The following TPMT variants were observed in gnomAD, a reference collection of about 807,000 sequenced individuals.
TPMT encodes the protein thiopurine S-methyltransferase, also known as S-adenosyl-L-methionine:thiopurine S-methyltransferase.
In TPMT, 18 loss-of-function variants were observed where a neutral mutation model predicts 34.2. The ratio of observed to expected loss-of-function variants is 0.53; its 90% CI spans 0.36 to 0.78. The LOEUF (loss-of-function observed/expected upper bound fraction) is 0.78, where lower values mean the gene tolerates loss of function less well. Ranked by LOEUF, TPMT falls within the 30% of genes least tolerant of loss-of-function variation. The probability of loss-of-function intolerance (pLI) is 0.00; values close to 1 mark genes in which losing one functional copy is unlikely to be tolerated. For missense variants in TPMT, 265 were observed against 288.1 expected, an observed-to-expected ratio of 0.92 and a Z score of 0.58; for synonymous variants, 69 against 92.4, an observed-to-expected ratio of 0.75 and a Z score of 1.45.
At chr6:18,144,055 G>A (rs559564427) in intron 3 of TPMT, among the ~76,000 whole-genome samples, 1 of 152,240 alleles carries the variant, frequency 6.6e-6, no homozygotes, top group Admixed American at 6.5e-5. Flanking sequence ...TAGAGGAAAT[G>A]CTTTTCAATT....
intron 6 of TPMT, 90 bp from the exon 7 acceptor site, chr6:18,133,979 C>T: frequency 1.0e-6 from 1 of 965,658 alleles, no homozygotes; most frequent in Non-Finnish European, 1.7e-6. Flanking sequence ...CCAGAAGTTA[C>T]TTTCGCTGAT....
In TPMT at chr6:18,149,542, C is replaced by T. The variant is rs943741624; in HGVS notation, c.-44-371G>A. Among the ~76,000 whole-genome samples, 1 of 151,990 alleles carries T rather than the reference C, an allele frequency of 6.6e-6. No individual in the cohort carries two copies. The highest frequency in any genetic ancestry group is 6.6e-5 in the Admixed American group (1 of 15,242). The stretch of plus-strand genomic sequence containing the variant: ...GGAGACCCTGGCTTACTGCAAGCTT[C>T]AACCTCCTGGGCTCAAGCGATCCTC... On this transcript the variant is annotated intron_variant, in intron 1 of 8. Coordinates refer to ENST00000309983, the MANE Select transcript of TPMT (RefSeq NM_000367.5). This position sits in a 1 kb window ranked among gnomAD's most constrained non-coding sequence, Gnocchi z 5.0.
rs755121040 is a variant in TPMT at position 18,138,531 on chromosome 6, G to A, written c.494+432C>T. 4.6e-5 allele frequency among the ~76,000 whole-genome samples: 7 copies of A among 152,132 alleles called. No homozygotes were observed. The highest frequency in any genetic ancestry group is 8.8e-5 in the Non-Finnish European group (6 of 68,028). On this transcript the variant is annotated intron_variant, in intron 6 of 8. Transcript: ENST00000309983. The surrounding 1 kb of genome is among the most constrained non-coding windows in gnomAD (Gnocchi z 4.1). The stretch of plus-strand genomic sequence containing the variant: ...AATCCTCCTGCTTTGGCCTCCCACA[G>A]TGCTGGGATTACATGTATGATCCAC...
rs537702880 is a variant in TPMT at position 18,149,957 on chromosome 6, C to T, written c.-44-786G>A. Reference sequence around the variant, plus strand: ...TCTGTGACCAAATGTGGGGGTTCTTCCCCCAGCACACCAAATATTGGACAC... The same window carrying T: ...TCTGTGACCAAATGTGGGGGTTCTTTCCCCAGCACACCAAATATTGGACAC... On this transcript the variant is annotated intron_variant, in intron 1 of 8. Transcript: ENST00000309983. This position sits in a 1 kb window ranked among gnomAD's most constrained non-coding sequence, Gnocchi z 5.0. 2.8e-3 allele frequency among the ~76,000 whole-genome samples: 422 copies of T among 152,270 alleles called. No homozygotes were observed. The highest frequency in any genetic ancestry group is 4.7e-3 in the Non-Finnish European group (321 of 68,024).
rs1183393587 is a variant in TPMT, at chr6:18,150,112, C to T, written c.-44-941G>A. Among the ~76,000 whole-genome samples the T allele has an allele frequency of 1.3e-5, 2 of 152,236 alleles. No individual in the cohort carries two copies. The highest frequency in any genetic ancestry group is 4.8e-5 in the African/African-American group (2 of 41,454). On this transcript the variant is annotated intron_variant, in intron 1 of 8. Coordinates refer to ENST00000309983, the MANE Select transcript of TPMT (RefSeq NM_000367.5). The surrounding 1 kb of genome is among the most constrained non-coding windows in gnomAD (Gnocchi z 5.3). The stretch of plus-strand genomic sequence containing the variant: ...CACCAGTTGCAAGTCCAGGCCTCCA[C>T]TGGCTTCAAGTTGGGGTTCCCACAC...
chr6:18,130,550 A>G lies in TPMT; in HGVS notation c.*118T>C. On this transcript the variant is annotated 3_prime_UTR_variant, in exon 9 of 9. Transcript: ENST00000309983. The surrounding 1 kb of genome is among the most constrained non-coding windows in gnomAD (Gnocchi z 4.2). ...TACTAAAAAGCCATTTTTAGTAAAG[A>G]TCTATCATATGATTTATAAACAATT... The G allele has an allele frequency of 2.7e-6, 2 of 732,798 alleles. No homozygotes were observed. The highest frequency in any genetic ancestry group is 2.3e-6 in the Non-Finnish European group (1 of 432,956). The allele number at this position is 732,798 out of a possible 1,614,324, so 45.4% of individuals were successfully genotyped here.
Position 18,135,773 on chromosome 6 carries a change from G to C in TPMT, c.495-1884C>G, listed in dbSNP as rs1002723305. 6.6e-6 allele frequency among the ~76,000 whole-genome samples: 1 copy of C among 151,996 alleles called. No homozygotes were observed. The highest frequency in any genetic ancestry group is 1.5e-5 in the Non-Finnish European group (1 of 67,996). ...AATCCCAGCTACTCTGGAGGCTGAG[G>C]CAGGAGAATCACTTGAACCCAGAAG... is the stretch of plus-strand genomic sequence containing the variant. On this transcript the variant is annotated intron_variant, in intron 6 of 8. Coordinates refer to ENST00000309983, the MANE Select transcript of TPMT (RefSeq NM_000367.5). The surrounding 1 kb of genome is among the most constrained non-coding windows in gnomAD (Gnocchi z 5.0).
rs941055535 is a variant in TPMT, at chr6:18,147,739, G to A, written c.233+84C>T. 1.2e-4 allele frequency: 149 copies of A among 1,275,008 alleles called. 1 individual carries two copies. In the East Asian group the frequency reaches 3.0e-3, roughly 26 times the overall value. The allele number at this position is 1,275,008 out of a possible 1,614,324, so 79.0% of individuals were successfully genotyped here. ...TTTCTGTGTATTTCCTGAAAATGGA[G>A]TTTTAAAACTCACATCCTGTTAAAT... On this transcript the variant is annotated intron_variant, in intron 3 of 8. Coordinates refer to ENST00000309983, the MANE Select transcript of TPMT (RefSeq NM_000367.5).
intron 1 of TPMT, among the ~76,000 whole-genome samples, chr6:18,152,618 C>T (rs554654056): frequency 1.4e-5 from 2 of 146,506 alleles, no homozygotes; most frequent in Admixed American, 1.4e-4. Context: ...GATGGAGTTT[C>T]GCTCTTGTTG....
At position 18,138,461 on chromosome 6, in the gene TPMT, T is replaced by A. The variant is rs1784084930; in HGVS notation, c.494+502A>T. On this transcript the variant is annotated intron_variant, in intron 6 of 8. Transcript: ENST00000309983. The surrounding 1 kb of genome is among the most constrained non-coding windows in gnomAD (Gnocchi z 4.1). The stretch of plus-strand genomic sequence containing the variant: ...TTAAAAATATTTTGTAGAGGTGGCG[T>A]CTTGCTTTGTTGCCCAGACTGGTCT... 6.6e-6 allele frequency among the ~76,000 whole-genome samples: 1 copy of A among 152,018 alleles called. No homozygotes were observed. The highest frequency in any genetic ancestry group is 1.5e-5 in the Non-Finnish European group (1 of 68,014).
At position 18,146,936 on chromosome 6, in the gene TPMT, A is replaced by T. The variant is rs1211899964; in HGVS notation, c.233+887T>A. ...AGAATAGACCATTTTTTAGGTTATT[A>T]TATTTTACATTTATTAATATTTTAT... On this transcript the variant is annotated intron_variant, in intron 3 of 8. Coordinates refer to ENST00000309983, the MANE Select transcript of TPMT (RefSeq NM_000367.5). The surrounding 1 kb of genome is among the most constrained non-coding windows in gnomAD (Gnocchi z 6.2). 6.6e-6 allele frequency among the ~76,000 whole-genome samples: 1 copy of T among 152,108 alleles called. No individual in the cohort carries two copies. The highest frequency in any genetic ancestry group is 1.5e-5 in the Non-Finnish European group (1 of 68,018).
In TPMT at chr6:18,139,746, T is replaced by A. The variant is rs923804743; in HGVS notation, c.367-29A>T. On this transcript the variant is annotated intron_variant, in intron 4 of 8. Coordinates refer to ENST00000309983, the MANE Select transcript of TPMT (RefSeq NM_000367.5). This position sits in a 1 kb window ranked among gnomAD's most constrained non-coding sequence, Gnocchi z 4.2. ...TAATGAAATAATGAAAAAAAAATTT[T>A]TTTTTTTTACTTAGTAAGTACTTGA... is the stretch of plus-strand genomic sequence containing the variant. The A allele has an allele frequency of 3.8e-6, 6 of 1,588,192 alleles. No homozygotes were observed. The highest frequency in any genetic ancestry group is 1.8e-4 in the Middle Eastern group (1 of 5,710).
At chr6:18,137,193 C>T (rs138580849) in intron 6 of TPMT, among the ~76,000 whole-genome samples, 83 of 151,736 alleles carry the variant, frequency 5.5e-4, no homozygotes, top group Non-Finnish European at 9.4e-4. Context: ...GCTGGAGTGC[C>T]GTGGCACAAT....
At position 18,149,318 on chromosome 6, in the gene TPMT, T is replaced by A. The variant is rs570230144; in HGVS notation, c.-44-147A>T. 30 of 722,976 alleles carry A rather than the reference T, an allele frequency of 4.1e-5. No individual in the cohort carries two copies. The South Asian group carries it at 5.7e-4, about 14-fold the overall frequency. 44.8% of individuals were successfully genotyped at this position (722,976 alleles called of 1,614,324 possible). ...TTCTGGTTTTATTTTTGAGATGGAGTCTCACTCTGTCTCCCAGCCTGGGGT... is the reference window on the plus strand; with the variant it reads ...TTCTGGTTTTATTTTTGAGATGGAGACTCACTCTGTCTCCCAGCCTGGGGT... On this transcript the variant is annotated intron_variant, in intron 1 of 8. Transcript: ENST00000309983. This position sits in a 1 kb window ranked among gnomAD's most constrained non-coding sequence, Gnocchi z 5.0.
Position 18,143,663 on chromosome 6 carries a change from A to G in TPMT, c.299T>C (p.Phe100Ser). Residue 100 changes from phenylalanine to serine, a missense_variant, in exon 4 of 9, where the codon TTT (phenylalanine) becomes TCT (serine). Transcript: ENST00000309983. The surrounding 1 kb of genome is among the most constrained non-coding windows in gnomAD (Gnocchi z 6.1). The part of the protein sequence containing the change: ...EISELGIQEF[F>S]TEQNLSYSEE... ...TGAGTAAGAAAGATTCTGCTCTGTA[A>G]AAAATTCTTGTATCCCAAGTTCACT... The G allele has an allele frequency of 6.2e-7, 1 of 1,614,044 alleles. No individual in the cohort carries two copies. Among genetic ancestry groups the G allele is most frequent in the Non-Finnish European group, 8.5e-7 (1 of 1,180,010 alleles).
rs959877060 is a variant in TPMT, at chr6:18,149,688, C to T, written c.-44-517G>A. On this transcript the variant is annotated intron_variant, in intron 1 of 8. Transcript: ENST00000309983. The surrounding 1 kb of genome is among the most constrained non-coding windows in gnomAD (Gnocchi z 5.0). ...ATTTTGTTGTCCAGACAACAAAGAA[C>T]GCCTGGGCTCAAGGGATCCTTCTGT... is the stretch of plus-strand genomic sequence containing the variant. Among the ~76,000 whole-genome samples the T allele has an allele frequency of 2.0e-5, 3 of 152,008 alleles. No individual in the cohort carries two copies. Among genetic ancestry groups the T allele is most frequent in the African/African-American group, 4.8e-5 (2 of 41,388 alleles).
At position 18,148,635 on chromosome 6, in the gene TPMT, C is replaced by T. The variant is rs987860179; in HGVS notation, c.140+353G>A. On this transcript the variant is annotated intron_variant, in intron 2 of 8. Transcript: ENST00000309983. This position sits in a 1 kb window ranked among gnomAD's most constrained non-coding sequence, Gnocchi z 4.1. ...TCCTATTGGAAAGCAAAGTCAGACACCACTGATTTTCAGTATGAAGAATTG... is the reference window on the plus strand; with the variant it reads ...TCCTATTGGAAAGCAAAGTCAGACATCACTGATTTTCAGTATGAAGAATTG... 5.3e-5 allele frequency among the ~76,000 whole-genome samples: 8 copies of T among 152,214 alleles called. No individual in the cohort carries two copies. Among genetic ancestry groups the T allele is most frequent in the Non-Finnish European group, 1.2e-4 (8 of 68,044 alleles).
chr6:18,133,325 G>A (rs936867201), intron 7 of TPMT, among the ~76,000 whole-genome samples: 8 of 152,276 alleles, frequency 5.3e-5, no homozygotes, highest in Non-Finnish European at 1.0e-4. Flanking sequence ...GCAATAGATA[G>A]ATTATAAAAC....
chr6:18,133,065 C>G (rs1267781002), intron 7 of TPMT, among the ~76,000 whole-genome samples: 1 of 152,112 alleles, frequency 6.6e-6, no homozygotes, highest in African/African-American at 2.4e-5. Context: ...TGCACTCCAG[C>G]CTGGGCCACA....
Sources: allele counts gnomAD v4.1 joint callset (sites outside exome capture counted in the v4.1 genomes callset), GRCh38; gene constraint gnomAD v4.1.1; non-coding constraint Gnocchi (gnomAD v3.1); transcripts MANE v1.5; gene names NCBI Gene and HGNC (gene_info 2026-07-23, HGNC 2026-07-21).